Variants in ZNF462 observed in about 807,000 individuals in gnomAD.
The protein encoded by ZNF462 is zinc finger protein 462, also known as zinc finger PBX1-interacting protein.
Under a neutral mutation model 201.9 loss-of-function variants are expected in ZNF462, and 10 were observed. The ratio of observed to expected loss-of-function variants is 0.05; its 90% CI spans 0.03 to 0.08. ZNF462 has a LOEUF of 0.08. Among genes scored for constraint, ZNF462 ranks in the 10% least tolerant of loss-of-function variants. The pLI is 1.00. For synonymous variants in ZNF462, 1,227 were observed against 1,193.3 expected (o/e 1.03, Z -0.58); for missense variants, 2,523 against 3,168.3 (o/e 0.80, Z 4.89).
intron 10 of ZNF462, among the ~76,000 whole-genome samples, chr9:107,000,059 C>T (rs1829069200): frequency 6.6e-6 from 1 of 151,916 alleles, no homozygotes; most frequent in Non-Finnish European, 1.5e-5. Context: ...GGGAAGGTCT[C>T]CCAGAAGAAG....
Position 106,963,836 on chromosome 9 carries a change from C to G in ZNF462, c.6428-8169C>G, listed in dbSNP as rs1023189624. On this transcript the variant is annotated intron_variant, in intron 7 of 12. Transcript: ENST00000277225. This position sits in a 1 kb window ranked among gnomAD's most constrained non-coding sequence, Gnocchi z 4.7. ...AAACTCTATATCCATAGAACAACAA[C>G]TCTCCACTTCCTTCTACCCACAGCC... Among the ~76,000 whole-genome samples, 2 of 152,014 alleles carry G rather than the reference C, an allele frequency of 1.3e-5. No individual in the cohort carries two copies. The highest frequency in any genetic ancestry group is 2.9e-5 in the Non-Finnish European group (2 of 67,958).
In ZNF462 at chr9:106,925,781, T is replaced by C. The variant is rs1424852778; in HGVS notation, c.1869T>C (p.His623=). ...TAAGAGTCCATCAGCAGCATAAACA[T>C]TCATTCTGTGACAACTTGCCAAAAT... ...KGLRVHQQHK[H]SFCDNLPKFE... The change falls in exon 3 of 13, where the codon CAT becomes CAC. Residue 623 remains histidine (H), a synonymous_variant. Coordinates refer to ENST00000277225, the MANE Select transcript of ZNF462 (RefSeq NM_021224.6). The surrounding 1 kb of genome is among the most constrained non-coding windows in gnomAD (Gnocchi z 7.9). The C allele has an allele frequency of 6.2e-7, 1 of 1,614,046 alleles. No homozygotes were observed. Among genetic ancestry groups the C allele is most frequent in the East Asian group, 2.2e-5 (1 of 44,890 alleles).
rs907803989 is a variant in ZNF462 at position 107,003,675 on chromosome 9, G to A, written c.7189+249G>A. Among the ~76,000 whole-genome samples, 3 of 152,122 alleles carry A rather than the reference G, an allele frequency of 2.0e-5. No homozygotes were observed. Among genetic ancestry groups the A allele is most frequent in the Non-Finnish European group, 4.4e-5 (3 of 68,014 alleles). ...ATATATGTTTGTTGAAAAATAGATG[G>A]CAGTGATTTGTTTTTAATAAGGAAA... On this transcript the variant is annotated intron_variant, in intron 11 of 12. Transcript: ENST00000277225. The surrounding 1 kb of genome is among the most constrained non-coding windows in gnomAD (Gnocchi z 4.4).
rs1587982414 is a variant in ZNF462 at position 106,876,122 on chromosome 9, C to A, written c.-31+12767C>A. ...GTGGAATATACTCTTTGGGGCCACA[C>A]AAGCTGAGGCTGAAATTTGTCTCTG... On this transcript the variant is annotated intron_variant, in intron 1 of 12. Transcript: ENST00000277225. This position sits in a 1 kb window ranked among gnomAD's most constrained non-coding sequence, Gnocchi z 4.9. 6.6e-6 allele frequency among the ~76,000 whole-genome samples: 1 copy of A among 152,152 alleles called. No individual in the cohort carries two copies. The highest frequency in any genetic ancestry group is 2.1e-4 in the South Asian group (1 of 4,834).
intron 1 of ZNF462, among the ~76,000 whole-genome samples, chr9:106,910,362 GTT>G (rs1011376719): frequency 7.6e-4 from 49 of 64,794 alleles, no homozygotes; most frequent in South Asian, 5.2e-3. Context: ...CCTTGTTTTA[GTT>G]TTTTTTTTTT....
At chr9:106,904,511 C>T (rs1161317145) in intron 1 of ZNF462, among the ~76,000 whole-genome samples, 1 of 152,100 alleles carries the variant, frequency 6.6e-6, no homozygotes, top group Non-Finnish European at 1.5e-5. Context: ...CTCAATTATT[C>T]CCCCCGATAT....
intron 10 of ZNF462, among the ~76,000 whole-genome samples, chr9:106,994,143 T>C: frequency 6.6e-6 from 1 of 152,158 alleles, no homozygotes; most frequent in Non-Finnish European, 1.5e-5. Flanking sequence ...AGAAGGATAG[T>C]CTATTCAGGC....
intron 10 of ZNF462, among the ~76,000 whole-genome samples, chr9:106,987,178 C>T (rs1827914118): frequency 6.6e-6 from 1 of 152,122 alleles, no homozygotes; most frequent in African/African-American, 2.4e-5. Context: ...GGTAGATACC[C>T]AGTAGTGGAA....
Position 106,927,525 on chromosome 9 carries a change from G to T in ZNF462, c.3613G>T (p.Val1205Phe). 6.2e-7 allele frequency: 1 copy of T among 1,613,928 alleles called. No homozygotes were observed. The highest frequency in any genetic ancestry group is 8.5e-7 in the Non-Finnish European group (1 of 1,180,002). The change falls in exon 3 of 13, where the codon GTC becomes TTC. Residue 1205 changes from valine (V) to phenylalanine (F), a missense_variant. By Grantham distance (50) the Val-to-Phe change is conservative. Coordinates refer to ENST00000277225, the MANE Select transcript of ZNF462 (RefSeq NM_021224.6). ...GCACTGTGATTATGGGAACCGGACG[G>T]TCAAAGGGGTACTCATTCATTATCA... is the stretch of plus-strand genomic sequence containing the variant. The part of the protein sequence containing the change: ...CQHCDYGNRT[V>F]KGVLIHYQKK...
chr9:106,910,582 C>A (rs1445882118), intron 1 of ZNF462, among the ~76,000 whole-genome samples: 1 of 152,010 alleles, frequency 6.6e-6, no homozygotes, highest in Non-Finnish European at 1.5e-5. Context: ...GGTTCCTGGG[C>A]AGGACACAGT....
chr9:106,961,832 T>G lies in ZNF462; in HGVS notation c.6428-10173T>G, dbSNP rs190469677. On this transcript the variant is annotated intron_variant, in intron 7 of 12. Transcript: ENST00000277225. ...GAAAATCTTCGTGGTGATGGCAGAT[T>G]TGGACTGAGTTCAGTTTTGAAAGAT... 2.0e-5 allele frequency among the ~76,000 whole-genome samples: 3 copies of G among 152,118 alleles called. No homozygotes were observed. In the East Asian group the frequency reaches 5.8e-4, roughly 29 times the overall value.
At chr9:106,944,436 A>T (rs1419827633) in intron 7 of ZNF462, among the ~76,000 whole-genome samples, 1 of 152,190 alleles carries the variant, frequency 6.6e-6, no homozygotes, top group Non-Finnish European at 1.5e-5. Flanking sequence ...CTTTAAAAAA[A>T]TTTAAATTGA....
chr9:106,904,111 T>C (rs537821074), intron 1 of ZNF462, among the ~76,000 whole-genome samples: 213 of 152,302 alleles, frequency 1.4e-3, no homozygotes, highest in Middle Eastern at 3.4e-3. Flanking sequence ...GCAGTTCTCG[T>C]AGTGGTGGTT....
At position 106,924,336 on chromosome 9, in the gene ZNF462, C is replaced by G; in HGVS notation, c.424C>G (p.Pro142Ala). ...TCAAGCTGAAGGGAGTTCATCAGGA[C>G]CCCCTGTCCCGGGATCCTTAAATTA... ...GAQAEGSSSG[P>A]PVPGSLNYNI... The change falls in exon 3 of 13, where the codon CCC becomes GCC. Residue 142 changes from proline to alanine, a missense_variant. Pro to Ala is a conservative substitution (Grantham distance 27). Coordinates refer to ENST00000277225, the MANE Select transcript of ZNF462 (RefSeq NM_021224.6). The surrounding 1 kb of genome is among the most constrained non-coding windows in gnomAD (Gnocchi z 6.2). 6.2e-7 allele frequency: 1 copy of G among 1,614,130 alleles called. No homozygotes were observed. Among genetic ancestry groups the G allele is most frequent in the Non-Finnish European group, 8.5e-7 (1 of 1,180,020 alleles).
intron 4 of ZNF462, among the ~76,000 whole-genome samples, chr9:106,931,373 C>A (rs1830417361): frequency 6.6e-6 from 1 of 152,200 alleles, no homozygotes. Context: ...CAGGATATTG[C>A]TAAGCCCTAT....
At position 106,926,132 on chromosome 9, in the gene ZNF462, G is replaced by A. The variant is rs984761997; in HGVS notation, c.2220G>A (p.Arg740=). The A allele has an allele frequency of 6.2e-7, 1 of 1,614,176 alleles. No homozygotes were observed. Among genetic ancestry groups the A allele is most frequent in the South Asian group, 1.1e-5 (1 of 91,076 alleles). ...NEVEIEVELD[R]EEEPTEPIIE... Reference sequence around the variant, plus strand: ...TCGAGATAGAGGTTGAGTTGGACAGGGAGGAAGAACCGACAGAACCCATCA... The same window carrying A: ...TCGAGATAGAGGTTGAGTTGGACAGAGAGGAAGAACCGACAGAACCCATCA... The change falls in exon 3 of 13, where the codon AGG becomes AGA. Residue 740 remains arginine (R), a synonymous_variant. Coordinates refer to ENST00000277225, the MANE Select transcript of ZNF462 (RefSeq NM_021224.6). The surrounding 1 kb of genome is among the most constrained non-coding windows in gnomAD (Gnocchi z 7.9).
rs1467767449 is a variant in ZNF462, at chr9:106,927,834, A to T, written c.3922A>T (p.Ile1308Leu). 1 of 1,614,194 alleles carries T rather than the reference A, an allele frequency of 6.2e-7. No individual in the cohort carries two copies. The highest frequency in any genetic ancestry group is 8.5e-7 in the Non-Finnish European group (1 of 1,180,046). Reference sequence around the variant, plus strand: ...GCGATGGGCATTTCTAGATGGCTTGATAGAAGCTGGCTACCACTGCGAGTG... The same window carrying T: ...GCGATGGGCATTTCTAGATGGCTTGTTAGAAGCTGGCTACCACTGCGAGTG... ...IMRWAFLDGL[I>L]EAGYHCEWCI... is the part of the protein sequence containing the mutation. The change falls in exon 3 of 13, where the codon ATA becomes TTA. Residue 1308 changes from isoleucine to leucine, a missense_variant. Coordinates refer to ENST00000277225, the MANE Select transcript of ZNF462 (RefSeq NM_021224.6).
Position 106,938,837 on chromosome 9 carries a change from G to C in ZNF462, c.6236-79G>C. 2 of 1,425,456 alleles carry C rather than the reference G, an allele frequency of 1.4e-6. No homozygotes were observed. Among genetic ancestry groups the C allele is most frequent in the South Asian group, 2.9e-5 (2 of 69,772 alleles). 88.3% of individuals were successfully genotyped at this position (1,425,456 alleles called of 1,614,324 possible). ...CGCTTCTCTAGCATGAGTTAACTGA[G>C]TTATCTTGTTTCCACCCTGGCCTTA... On this transcript the variant is annotated intron_variant, in intron 6 of 12. Transcript: ENST00000277225. This position sits in a 1 kb window ranked among gnomAD's most constrained non-coding sequence, Gnocchi z 4.4.
chr9:106,868,465 G>T (rs1827441872), intron 1 of ZNF462, among the ~76,000 whole-genome samples: 1 of 152,104 alleles, frequency 6.6e-6, no homozygotes, highest in African/African-American at 2.4e-5. Context: ...GAAGTTTCGG[G>T]GTGAGGAGCA....
Sources: gnomAD v4.1 joint callset for allele counts (sites outside exome capture counted in the v4.1 genomes callset) on GRCh38, gnomAD v4.1.1 for gene constraint, Gnocchi (gnomAD v3.1) non-coding constraint, MANE v1.5 for transcripts, NCBI Gene and HGNC (gene_info 2026-07-23, HGNC 2026-07-21) for gene names.